Variants in GALNTL6 observed in about 807,000 individuals in gnomAD.
The protein encoded by GALNTL6 is polypeptide N-acetylgalactosaminyltransferase-like 6.
GALNTL6 carries 46 observed loss-of-function variants against 73.7 expected under a neutral mutation model. That is an observed-to-expected ratio of 0.62 (90% CI 0.49 to 0.80). GALNTL6 has a LOEUF of 0.80. GALNTL6 is among the 30% of genes least tolerant of loss of function. GALNTL6 has a pLI of 0.00. For synonymous variants in GALNTL6, 259 were observed against 263.7 expected, an observed-to-expected ratio of 0.98 and a Z score of 0.17; for missense variants, 604 against 755.0, an observed-to-expected ratio of 0.80 and a Z score of 2.34.
chr4:172,190,338 C>A (rs927228317), intron 2 of GALNTL6, among the ~76,000 whole-genome samples: 1 of 152,034 alleles, frequency 6.6e-6, no homozygotes, highest in Non-Finnish European at 1.5e-5. Flanking sequence ...GATTGAATGG[C>A]AAGTCAAGTC....
At chr4:172,663,022 G>A (rs1731462349) in intron 5 of GALNTL6, among the ~76,000 whole-genome samples, 1 of 152,152 alleles carries the variant, frequency 6.6e-6, no homozygotes, top group Non-Finnish European at 1.5e-5. Flanking sequence ...ATGGCCCGGA[G>A]ACAAGAAAAA....
chr4:172,146,232 T>G (rs72700956), intron 2 of GALNTL6, among the ~76,000 whole-genome samples: 1 of 152,200 alleles, frequency 6.6e-6, no homozygotes, highest in African/African-American at 2.4e-5. Flanking sequence ...TCTGCCGCCC[T>G]TCAGTAGTAT....
intron 5 of GALNTL6, among the ~76,000 whole-genome samples, chr4:172,392,767 G>A (rs1187957908): frequency 7.9e-5 from 12 of 152,036 alleles, no homozygotes; most frequent in African/African-American, 2.9e-4. Flanking sequence ...TTAGCTTATC[G>A]GGTTTTTGAC....
At chr4:172,052,091 T>C (rs1234795320) in intron 2 of GALNTL6, among the ~76,000 whole-genome samples, 1 of 152,178 alleles carries the variant, frequency 6.6e-6, no homozygotes, top group Non-Finnish European at 1.5e-5. Flanking sequence ...ATTTTCACTT[T>C]ACAAGTGTAT....
chr4:171,906,081 G>T lies in GALNTL6; in HGVS notation c.138+91363G>T, dbSNP rs550519415. ...TGACACCCTAACATCACATTTAAAA[G>T]AACTAGAAAAGCAAGAGCAAACACA... On this transcript the variant is annotated intron_variant, in intron 2 of 12. Coordinates refer to ENST00000506823, the MANE Select transcript of GALNTL6 (RefSeq NM_001034845.3). 2.7e-3 allele frequency among the ~76,000 whole-genome samples: 411 copies of T among 152,176 alleles called. 2 individuals are homozygous for T. The highest frequency in any genetic ancestry group is 9.6e-3 in the African/African-American group (399 of 41,484).
chr4:172,069,535 A>ATGCG (rs58953734), intron 2 of GALNTL6, among the ~76,000 whole-genome samples: 1 of 55,972 alleles, frequency 1.8e-5, no homozygotes, highest in Non-Finnish European at 3.4e-5. Context: ...TAACACATAT[A>ATGCG]TTATATATAA....
At chr4:172,320,266 G>C (rs1740711969) in intron 4 of GALNTL6, among the ~76,000 whole-genome samples, 1 of 152,064 alleles carries the variant, frequency 6.6e-6, no homozygotes. Flanking sequence ...AAGCAGAGAG[G>C]TTCTCAGGCT....
At chr4:172,712,641 A>T (rs1490446134) in intron 5 of GALNTL6, among the ~76,000 whole-genome samples, 1 of 152,180 alleles carries the variant, frequency 6.6e-6, no homozygotes, top group East Asian at 1.9e-4. Context: ...TGATAAAACA[A>T]GTTACCATGT....
intron 5 of GALNTL6, among the ~76,000 whole-genome samples, chr4:172,748,179 TA>T (rs1250820589): frequency 6.6e-6 from 1 of 152,204 alleles, no homozygotes; most frequent in Non-Finnish European, 1.5e-5. Context: ...ACAAGTAAGA[TA>T]ATTATTACCT....
intron 5 of GALNTL6, among the ~76,000 whole-genome samples, chr4:172,471,194 T>C (rs1010045517): frequency 1.3e-5 from 2 of 152,164 alleles, no homozygotes; most frequent in African/African-American, 2.4e-5. Context: ...GCCTCCTCAA[T>C]GTTCCTGCAT....
At chr4:172,633,385 G>A (rs1194621031) in intron 5 of GALNTL6, among the ~76,000 whole-genome samples, 1 of 152,222 alleles carries the variant, frequency 6.6e-6, no homozygotes, top group African/African-American at 2.4e-5. Flanking sequence ...AATCATTTTG[G>A]AGCTTTAAGA....
chr4:172,587,988 T>G (rs1205651502), intron 5 of GALNTL6, among the ~76,000 whole-genome samples: 1 of 152,188 alleles, frequency 6.6e-6, no homozygotes, highest in Non-Finnish European at 1.5e-5. Flanking sequence ...TTGCCCATAG[T>G]AGGCCCTCGA....
At chr4:171,979,682 T>C (rs571888246) in intron 2 of GALNTL6, among the ~76,000 whole-genome samples, 35 of 152,266 alleles carry the variant, frequency 2.3e-4, no homozygotes, top group African/African-American at 7.2e-4. Context: ...CTATAGCTAA[T>C]TCCAGAAGAA....
intron 5 of GALNTL6, among the ~76,000 whole-genome samples, chr4:172,761,165 G>GA (rs780649016): frequency 1.4e-3 from 210 of 151,138 alleles, no homozygotes; most frequent in South Asian, 2.3e-3. Flanking sequence ...TGCCTTTCAG[G>GA]AAAAAAAAAT....
chr4:171,844,489 C>A lies in GALNTL6; in HGVS notation c.138+29771C>A, dbSNP rs56877740. On this transcript the variant is annotated intron_variant, in intron 2 of 12. Transcript: ENST00000506823. ...AACTCTTGGTGACATTCAATCTCAT[C>A]TTCCTTTTTAAATTGTGCATTTTTG... Among the ~76,000 whole-genome samples the A allele has an allele frequency of 6.2e-3, 948 of 152,238 alleles. 13 individuals are homozygous for A. Among genetic ancestry groups the A allele is most frequent in the African/African-American group, 0.021 (877 of 41,538 alleles).
chr4:172,157,146 C>G (rs1376187358), intron 2 of GALNTL6, among the ~76,000 whole-genome samples: 1 of 152,128 alleles, frequency 6.6e-6, no homozygotes, highest in Non-Finnish European at 1.5e-5. Flanking sequence ...ATTGCATATT[C>G]CAGCAATTGA....
At chr4:172,646,513 A>C (rs1740250045) in intron 5 of GALNTL6, among the ~76,000 whole-genome samples, 1 of 152,076 alleles carries the variant, frequency 6.6e-6, no homozygotes, top group Non-Finnish European at 1.5e-5. Context: ...ATGGAAATAC[A>C]ATTAATTTTT....
At chr4:172,618,068 T>C (rs1738812731) in intron 5 of GALNTL6, among the ~76,000 whole-genome samples, 1 of 152,220 alleles carries the variant, frequency 6.6e-6, no homozygotes. Flanking sequence ...AATTCTTTAT[T>C]GTTATTTTAT....
At chr4:172,150,744 A>G (rs1734061649) in intron 2 of GALNTL6, among the ~76,000 whole-genome samples, 1 of 152,168 alleles carries the variant, frequency 6.6e-6, no homozygotes, top group African/African-American at 2.4e-5. Flanking sequence ...GAGGTATACG[A>G]CATAATAAAA....
Sources: gnomAD v4.1 joint callset for allele counts (sites outside exome capture counted in the v4.1 genomes callset) on GRCh38, gnomAD v4.1.1 for gene constraint, MANE v1.5 for transcripts, NCBI Gene and HGNC (gene_info 2026-07-23, HGNC 2026-07-21) for gene names.